The following DACH1 variants were observed in gnomAD, a reference collection of about 807,000 sequenced individuals.
DACH1 encodes the protein dachshund homolog 1.
In DACH1, 12 loss-of-function variants were observed where a neutral mutation model predicts 54.2. The observed-to-expected ratio is 0.22, with a 90% CI of 0.14 to 0.36. The LOEUF (loss-of-function observed/expected upper bound fraction) is 0.36, where lower values mean the gene tolerates loss of function less well. DACH1 is among the 10% of genes least tolerant of loss of function. The probability of loss-of-function intolerance (pLI) is 1.00; values close to 1 mark genes in which losing one functional copy is unlikely to be tolerated. For synonymous variants in DACH1, 386 were observed against 366.2 expected (o/e 1.05, Z -0.62); for missense variants, 805 against 929.8 (o/e 0.87, Z 1.75).
intron 1 of DACH1, among the ~76,000 whole-genome samples, chr13:71,825,913 A>C (rs1280235437): frequency 2.6e-5 from 4 of 152,142 alleles, no homozygotes; most frequent in Non-Finnish European, 4.4e-5. Context: ...GAGCCAATAC[A>C]TGGAATATAT....
intron 1 of DACH1, among the ~76,000 whole-genome samples, chr13:71,763,816 C>G (rs1344370301): frequency 6.6e-6 from 1 of 152,164 alleles, no homozygotes; most frequent in African/African-American, 2.4e-5. Flanking sequence ...AAACACTGGT[C>G]AAAATAATTA....
intron 1 of DACH1, among the ~76,000 whole-genome samples, chr13:71,779,028 T>A (rs184780382): frequency 6.6e-6 from 1 of 151,406 alleles, no homozygotes; most frequent in Admixed American, 6.6e-5. Context: ...TCTTCTGTCA[T>A]ACCTAAGTCA....
chr13:71,591,694 C>T (rs1272622881), intron 3 of DACH1, among the ~76,000 whole-genome samples: 2 of 151,964 alleles, frequency 1.3e-5, no homozygotes, highest in Non-Finnish European at 2.9e-5. Flanking sequence ...TCTTGGACTC[C>T]CTGGAAGTAT....
In DACH1 at chr13:71,479,288, G is replaced by C. The variant is rs1877834154; in HGVS notation, c.1751C>G (p.Ala584Gly). The C allele has an allele frequency of 6.2e-7, 1 of 1,612,978 alleles. No individual in the cohort carries two copies. The highest frequency in any genetic ancestry group is 8.5e-7 in the Non-Finnish European group (1 of 1,179,552). ...TTGGACCTGTTTCTCTTGAGCTCTG[G>C]CATTATCTATGGCAACTTTCAACAG... ...QGLLKVAIDN[A>G]RAQEKQVQLE... The change falls in exon 8 of 11, where the codon GCC becomes GGC. Residue 584 changes from alanine (A) to glycine (G), a missense_variant. This residue lies in a region of DACH1 where 472 missense variants were observed against 545.3 expected (regional missense o/e 0.87). Transcript: ENST00000613252.
At chr13:71,575,392 T>C (rs1885467333) in intron 3 of DACH1, among the ~76,000 whole-genome samples, 1 of 152,020 alleles carries the variant, frequency 6.6e-6, no homozygotes, top group Non-Finnish European at 1.5e-5. Flanking sequence ...TGGATTCAGT[T>C]TGAGCTCCAT....
chr13:71,485,575 C>CTTTTTTTTTTTT (rs68024614), intron 7 of DACH1, among the ~76,000 whole-genome samples: 374 of 45,920 alleles, frequency 8.1e-3, no homozygotes, highest in Middle Eastern at 0.019. Context: ...TTCTTTTCTT[C>CTTTTTTTTTTTT]TTTTTTTTTT....
chr13:71,750,683 T>C (rs1046473552), intron 1 of DACH1, among the ~76,000 whole-genome samples: 2 of 152,190 alleles, frequency 1.3e-5, no homozygotes, highest in Admixed American at 6.5e-5. Flanking sequence ...ATTAGCAAAA[T>C]AGAAATTGAC....
At chr13:71,645,889 G>C (rs1878229910) in intron 2 of DACH1, among the ~76,000 whole-genome samples, 1 of 152,074 alleles carries the variant, frequency 6.6e-6, no homozygotes, top group African/African-American at 2.4e-5. Flanking sequence ...GCACTAGCCT[G>C]GTGGCCTAAT....
rs980030089 is a variant in DACH1, at chr13:71,522,633, T to A, written c.1571-33485A>T. Among the ~76,000 whole-genome samples, 3 of 152,066 alleles carry A rather than the reference T, an allele frequency of 2.0e-5. No individual in the cohort carries two copies. In the South Asian group the frequency reaches 6.2e-4, roughly 31 times the overall value. ...TCAGTTTATTAAACAGATTTCACTATAATCTCTATTTCATGGCACAATACC... is the reference window on the plus strand; with the variant it reads ...TCAGTTTATTAAACAGATTTCACTAAAATCTCTATTTCATGGCACAATACC... On this transcript the variant is annotated intron_variant, in intron 6 of 10. Transcript: ENST00000613252.
chr13:71,519,025 T>C (rs1881369727), intron 6 of DACH1, among the ~76,000 whole-genome samples: 2 of 151,924 alleles, frequency 1.3e-5, no homozygotes, highest in Non-Finnish European at 2.9e-5. Context: ...GGTTTCTCAC[T>C]ACAACAGGAG....
chr13:71,533,382 A>C (rs1882543545), intron 6 of DACH1, among the ~76,000 whole-genome samples: 1 of 151,998 alleles, frequency 6.6e-6, no homozygotes, highest in Admixed American at 6.6e-5. Flanking sequence ...GAAACGTGAC[A>C]GTGAAATTTA....
chr13:71,700,233 T>A (rs1882048356), intron 1 of DACH1, among the ~76,000 whole-genome samples: 1 of 152,036 alleles, frequency 6.6e-6, no homozygotes, highest in African/African-American at 2.4e-5. Context: ...AAATTGATCT[T>A]AGTAAAAACA....
intron 1 of DACH1, among the ~76,000 whole-genome samples, chr13:71,689,188 G>C (rs1190439981): frequency 6.6e-6 from 1 of 152,104 alleles, no homozygotes; most frequent in East Asian, 1.9e-4. Flanking sequence ...TATGTCATAG[G>C]GCACATGAGA....
chr13:71,641,735 C>T (rs542637416), intron 2 of DACH1, among the ~76,000 whole-genome samples: 8 of 152,236 alleles, frequency 5.3e-5, no homozygotes, highest in Admixed American at 3.9e-4. Context: ...CTTATCTTGG[C>T]ACAATTTCAT....
At chr13:71,625,955 G>C (rs1876614804) in intron 3 of DACH1, among the ~76,000 whole-genome samples, 1 of 151,934 alleles carries the variant, frequency 6.6e-6, no homozygotes, top group South Asian at 2.1e-4. Flanking sequence ...TACTATTGTT[G>C]ATAGCTGTTT....
intron 1 of DACH1, among the ~76,000 whole-genome samples, chr13:71,861,817 T>C (rs1874374297): frequency 6.9e-6 from 1 of 145,230 alleles, no homozygotes; most frequent in African/African-American, 2.6e-5. Flanking sequence ...TATCAATGCA[T>C]AAGTCTGTGT....
rs767182370 is a variant in DACH1 at position 71,630,584 on chromosome 13, A to G, written c.1098T>C (p.Ser366=). 1.9e-6 allele frequency: 3 copies of G among 1,592,462 alleles called. No homozygotes were observed. In the Admixed American group the frequency reaches 5.7e-5, roughly 30 times the overall value. Residue 366 remains serine, a synonymous_variant, in exon 3 of 11, where the codon TCT becomes TCC. Coordinates refer to ENST00000613252, the MANE Select transcript of DACH1 (RefSeq NM_080759.6). ...CACTTGAATTCATGTCCCCGTTTTC[A>G]GAGTCTGCTCCATGTTGGTTATTAC... is the stretch of plus-strand genomic sequence containing the variant. ...HASNNQHGAD[S]ENGDMNSSVG... is the part of the protein sequence containing the mutation.
rs1876348438 is a variant in DACH1 at position 71,464,192 on chromosome 13, C to T, written c.2083+10949G>A. On this transcript the variant is annotated intron_variant, in intron 10 of 10. Transcript: ENST00000613252. ...GAAAAATACCCATACCCTCTAATTG[C>T]CCAGTATTTCAGCCATAAAAATAAC... Among the ~76,000 whole-genome samples the T allele has an allele frequency of 2.0e-5, 3 of 151,756 alleles. No individual in the cohort carries two copies. In the South Asian group the frequency reaches 6.2e-4, roughly 32 times the overall value.
intron 1 of DACH1, among the ~76,000 whole-genome samples, chr13:71,728,312 A>G (rs7985721): frequency 0.26 from 39,986 of 151,850 alleles, 12,146 homozygotes; most frequent in African/African-American, 0.74. Context: ...GGAAACACCC[A>G]TTTAGAACCC....
Sources: gnomAD v4.1 joint callset for allele counts (sites outside exome capture counted in the v4.1 genomes callset) on GRCh38, gnomAD v4.1.1 for gene constraint, gnomAD v4.1.1 regional missense constraint, MANE v1.5 for transcripts, NCBI Gene and HGNC (gene_info 2026-07-23, HGNC 2026-07-21) for gene names.